STK38L: variants seen among roughly 807,000 people sequenced by gnomAD.
The protein encoded by STK38L is serine/threonine kinase 38 like.
Under a neutral mutation model 59.7 loss-of-function variants are expected in STK38L, and 28 were observed. The ratio of observed to expected loss-of-function variants is 0.47; its 90% CI spans 0.35 to 0.64. The LOEUF is 0.64. Among genes scored for constraint, STK38L ranks in the 30% least tolerant of loss-of-function variants. STK38L has a pLI of 0.01. For missense variants in STK38L, 314 were observed against 555.8 expected, an observed-to-expected ratio of 0.56 and a Z score of 4.37; for synonymous variants, 162 against 176.8, an observed-to-expected ratio of 0.92 and a Z score of 0.66.
At chr12:27,314,728 A>G in intron 7 of STK38L, 70 bp downstream of exon 7, 1 of 1,479,820 alleles carries the variant, frequency 6.8e-7, no homozygotes, top group Non-Finnish European at 9.0e-7. Flanking sequence ...GATTTTGTGA[A>G]TGGAAATCAG....
intron 5 of STK38L, among the ~76,000 whole-genome samples, chr12:27,310,568 TAAATA>T (rs141554862): frequency 0.15 from 22,782 of 152,012 alleles, 1,860 homozygotes; most frequent in East Asian, 0.31. Context: ...AATAAATAAA[TAAATA>T]AATAAAATAT....
chr12:27,317,697 TA>T, intron 10 of STK38L, 198 bp from the exon 11 acceptor site: 2 of 775,070 alleles, frequency 2.6e-6, no homozygotes, highest in Non-Finnish European at 4.0e-6. Flanking sequence ...GCTTTTCAGG[TA>T]AAAGGGGAGG....
chr12:27,307,061 T>G (rs574090826), intron 3 of STK38L, among the ~76,000 whole-genome samples: 1 of 152,200 alleles, frequency 6.6e-6, no homozygotes, highest in African/African-American at 2.4e-5. Context: ...AAAAATAATC[T>G]TTCATTGTTG....
chr12:27,263,052 A>G (rs1484511557), intron 1 of STK38L, among the ~76,000 whole-genome samples: 4 of 152,156 alleles, frequency 2.6e-5, no homozygotes, highest in African/African-American at 9.7e-5. Context: ...GGGCCTCCCA[A>G]AGTGCTGGGA....
intron 1 of STK38L, among the ~76,000 whole-genome samples, chr12:27,254,802 G>A (rs1022241845): frequency 3.3e-5 from 5 of 152,008 alleles, no homozygotes; most frequent in African/African-American, 1.2e-4. Flanking sequence ...GGCACAGAGA[G>A]GGGGCGGGAG....
At chr12:27,280,442 G>T (rs1211208527) in intron 1 of STK38L, among the ~76,000 whole-genome samples, 1 of 152,200 alleles carries the variant, frequency 6.6e-6, no homozygotes, top group Admixed American at 6.5e-5. Flanking sequence ...TAGGTTAGAT[G>T]TAAGAACGCT....
chr12:27,246,005 G>T (rs1942843252), intron 1 of STK38L, among the ~76,000 whole-genome samples: 1 of 152,132 alleles, frequency 6.6e-6, no homozygotes, highest in Non-Finnish European at 1.5e-5. Context: ...TTAAATAGAA[G>T]CAGTTTTTCT....
rs770122828 is a variant in STK38L at position 27,319,390 on chromosome 12, C to G, written c.1142C>G (p.Pro381Arg). The change falls in exon 12 of 14, where the codon CCC becomes CGC. Residue 381 changes from proline to arginine, a missense_variant. Physicochemically the swap from Pro to Arg is moderately radical, Grantham distance 103 (BLOSUM62 -2). This residue lies in a region of STK38L where 94 missense variants were observed against 142.2 expected (regional missense o/e 0.66). Transcript: ENST00000389032. ...GGAGTAGAAGAAATAAAAGGTCATC[C>G]CTTTTTTGAAGGTGTCGACTGGGAG... The part of the protein sequence containing the change: ...NSGVEEIKGH[P>R]FFEGVDWEHI... 2 of 1,613,266 alleles carry G rather than the reference C, an allele frequency of 1.2e-6. No homozygotes were observed. The highest frequency in any genetic ancestry group is 1.7e-6 in the Non-Finnish European group (2 of 1,179,554).
chr12:27,259,354 G>A (rs867448563), intron 1 of STK38L, among the ~76,000 whole-genome samples: 2 of 152,270 alleles, frequency 1.3e-5, no homozygotes, highest in Middle Eastern at 3.4e-3. Context: ...TAGACAACTG[G>A]TCAAGTCAGA....
At chr12:27,310,795 T>C (rs899032637) in intron 5 of STK38L, among the ~76,000 whole-genome samples, 4 of 152,198 alleles carry the variant, frequency 2.6e-5, no homozygotes, top group African/African-American at 9.6e-5. Flanking sequence ...CACTGCTCTT[T>C]CCTGTGGGGA....
At chr12:27,298,133 T>A (rs1944073109) in intron 2 of STK38L, 1 of 277,056 alleles carries the variant, frequency 3.6e-6, no homozygotes, top group Non-Finnish European at 6.8e-6. Flanking sequence ...TGTCTTTACA[T>A]TTTCTTTTAA....
At chr12:27,260,184 A>G (rs866861561) in intron 1 of STK38L, among the ~76,000 whole-genome samples, 3 of 152,204 alleles carry the variant, frequency 2.0e-5, no homozygotes, top group Middle Eastern at 3.4e-3. Flanking sequence ...TTCTTGTGAT[A>G]TAACTAGGAA....
At chr12:27,276,221 A>G (rs1445293447) in intron 1 of STK38L, among the ~76,000 whole-genome samples, 1 of 152,150 alleles carries the variant, frequency 6.6e-6, no homozygotes, top group Admixed American at 6.5e-5. Context: ...CTATACCCAT[A>G]CCTACTCCCC....
chr12:27,309,720 T>C (rs955798414), intron 5 of STK38L, among the ~76,000 whole-genome samples: 4 of 152,200 alleles, frequency 2.6e-5, no homozygotes, highest in African/African-American at 9.7e-5. Flanking sequence ...GATTAAAGCT[T>C]TACTCTATGA....
intron 1 of STK38L, among the ~76,000 whole-genome samples, chr12:27,295,134 A>G (rs1374782911): frequency 6.6e-6 from 1 of 152,260 alleles, no homozygotes; most frequent in Non-Finnish European, 1.5e-5. Flanking sequence ...TCACTTGGCC[A>G]TGATAATTCT....
intron 2 of STK38L, among the ~76,000 whole-genome samples, chr12:27,299,934 G>C (rs1356265742): frequency 6.6e-6 from 1 of 152,006 alleles, no homozygotes; most frequent in Non-Finnish European, 1.5e-5. Flanking sequence ...GAATTACAAG[G>C]GTAATTAAAG....
intron 10 of STK38L, 199 bp downstream of exon 10, chr12:27,317,652 C>A: frequency 1.4e-6 from 1 of 705,448 alleles, no homozygotes; most frequent in Non-Finnish European, 2.3e-6. Context: ...GGTATTTAAC[C>A]CAAACTCCCA....
chr12:27,294,962 A>T (rs1376105894), intron 1 of STK38L, among the ~76,000 whole-genome samples: 2 of 152,040 alleles, frequency 1.3e-5, no homozygotes, highest in Non-Finnish European at 2.9e-5. Flanking sequence ...GGCCTCACAA[A>T]GTGCCAGGAT....
intron 1 of STK38L, among the ~76,000 whole-genome samples, chr12:27,270,826 T>A (rs958544735): frequency 3.9e-5 from 6 of 152,228 alleles, no homozygotes; most frequent in Non-Finnish European, 8.8e-5. Flanking sequence ...AATCTTAAAC[T>A]ATGATTTTAG....
Sources: gnomAD v4.1 joint callset for allele counts (sites outside exome capture counted in the v4.1 genomes callset) on GRCh38, gnomAD v4.1.1 for gene constraint, gnomAD v4.1.1 regional missense constraint, MANE v1.5 for transcripts, NCBI Gene and HGNC (gene_info 2026-07-23, HGNC 2026-07-21) for gene names.